The following CAPN8 variants were observed in gnomAD, a reference collection of about 807,000 sequenced individuals.
CAPN8 encodes calpain 8, also known as calpain-8.
CAPN8 carries 87 observed loss-of-function variants against 80.9 expected under a neutral mutation model. The observed-to-expected ratio is 1.07, with a 90% CI of 0.90 to 1.28. CAPN8 has a LOEUF of 1.28. Among genes scored for constraint, CAPN8 ranks in the 50% most tolerant of loss-of-function variants. The pLI is 0.00. For synonymous variants in CAPN8, 299 were observed against 273.8 expected (o/e 1.09, Z -0.91); for missense variants, 757 against 702.0 (o/e 1.08, Z -0.89).
In CAPN8 at chr1:223,620,229, C is replaced by A; in HGVS notation, c.937G>T (p.Glu313Ter). Reference sequence around the variant, plus strand: ...TCCTCAACTTTCTTGTCCAGTTCTTCCTTCCGCCGGGGGTCTATGTGATTC... The same window carrying A: ...TCCTCAACTTTCTTGTCCAGTTCTTACTTCCGCCGGGGGTCTATGTGATTC... The part of the protein sequence containing the change: ...EWNHIDPRRK[E>*]ELDKKVEDGE... The change falls in exon 8 of 21, where the codon GAA (glutamate) becomes TAA (stop). Residue 313 changes from glutamate to a stop codon, truncating the protein, a stop_gained. Transcript: ENST00000366872. LOFTEE classifies it high-confidence loss of function. The A allele has an allele frequency of 6.4e-7, 1 of 1,551,670 alleles. No homozygotes were observed.
intron 2 of CAPN8, among the ~76,000 whole-genome samples, chr1:223,633,615 T>A (rs568287225): frequency 6.6e-6 from 1 of 151,790 alleles, no homozygotes; most frequent in Non-Finnish European, 1.5e-5. Context: ...TGAGCCAAGA[T>A]CACACCACTG....
chr1:223,552,752 C>T (rs1656825825), intron 14 of CAPN8, among the ~76,000 whole-genome samples: 1 of 151,918 alleles, frequency 6.6e-6, no homozygotes, highest in South Asian at 2.1e-4. Context: ...CTTTACAAGC[C>T]GAGCAAGGAG....
chr1:223,641,598 G>A (rs370720854), intron 2 of CAPN8, among the ~76,000 whole-genome samples: 13 of 152,116 alleles, frequency 8.5e-5, no homozygotes, highest in African/African-American at 3.1e-4. Context: ...TTCACACAGT[G>A]CCAGAGCCCT....
At chr1:223,616,371 G>C (rs989322279) in intron 9 of CAPN8, among the ~76,000 whole-genome samples, 1 of 152,196 alleles carries the variant, frequency 6.6e-6, no homozygotes, top group Non-Finnish European at 1.5e-5. Flanking sequence ...ATTTGGAAAT[G>C]TGTGCTTGTC....
chr1:223,621,048 T>G (rs1572236453), intron 7 of CAPN8, among the ~76,000 whole-genome samples: 1 of 151,088 alleles, frequency 6.6e-6, no homozygotes, highest in African/African-American at 2.4e-5. Context: ...TGGGGCACAC[T>G]CCAGCGCAGC....
intron 2 of CAPN8, among the ~76,000 whole-genome samples, chr1:223,647,509 C>T (rs1658222420): frequency 6.6e-6 from 1 of 152,152 alleles, no homozygotes; most frequent in Admixed American, 6.6e-5. Context: ...ATTGCCTACC[C>T]TCCTTTCTTT....
intron 9 of CAPN8, chr1:223,616,930 AT>A (rs1043581640): frequency 6.6e-6 from 1 of 152,246 alleles, no homozygotes; most frequent in Non-Finnish European, 1.5e-5. Context: ...CTTTTTTTAA[AT>A]CTCTCAGAAT....
intron 9 of CAPN8, chr1:223,616,949 A>G (rs1275964816): frequency 6.6e-6 from 1 of 152,264 alleles, no homozygotes; most frequent in African/African-American, 2.4e-5. Flanking sequence ...AATAGTAAGT[A>G]CACAAGCCAA....
At chr1:223,660,681 AACATGTGTACAT>A (rs1658619938) in intron 1 of CAPN8, among the ~76,000 whole-genome samples, 1 of 152,208 alleles carries the variant, frequency 6.6e-6, no homozygotes, top group Non-Finnish European at 1.5e-5. Flanking sequence ...AGAGGACAAA[AACATGTGTACAT>A]ACATGTTCAA....
rs565589894 is a variant in CAPN8 at position 223,641,921 on chromosome 1, C to T, written c.307+12409G>A. Among the ~76,000 whole-genome samples, 12 of 152,340 alleles carry T rather than the reference C, an allele frequency of 7.9e-5. No individual in the cohort carries two copies. The South Asian group carries it at 1.7e-3, about 21-fold the overall frequency. On this transcript the variant is annotated intron_variant, in intron 2 of 20. Coordinates refer to ENST00000366872, the MANE Select transcript of CAPN8 (RefSeq NM_001143962.2). ...ACAAATGAGTATGTCAGATAAGCCA[C>T]GTGTTCCCTCACTCCTGTAAGCATC...
chr1:223,557,917 C>CT (rs1656942540), intron 13 of CAPN8, among the ~76,000 whole-genome samples: 3 of 152,204 alleles, frequency 2.0e-5, no homozygotes, highest in Non-Finnish European at 4.4e-5. Context: ...GCTAAGACCT[C>CT]CCCCAGGGGG....
intron 2 of CAPN8, among the ~76,000 whole-genome samples, chr1:223,638,363 G>A (rs915906076): frequency 6.6e-6 from 1 of 151,396 alleles, no homozygotes; most frequent in East Asian, 1.9e-4. Flanking sequence ...TGTATGGGGT[G>A]TGTGTGTGTG....
chr1:223,552,879 C>T (rs1011497354), intron 14 of CAPN8, among the ~76,000 whole-genome samples: 1 of 152,112 alleles, frequency 6.6e-6, no homozygotes, highest in Non-Finnish European at 1.5e-5. Flanking sequence ...AAATATGGCC[C>T]TTGGCAGCTA....
intron 6 of CAPN8, among the ~76,000 whole-genome samples, chr1:223,624,703 G>A (rs1657510824): frequency 7.0e-6 from 1 of 142,412 alleles, no homozygotes; most frequent in Admixed American, 6.9e-5. Flanking sequence ...AATGGAGCAA[G>A]ACCCTGTCTC....
chr1:223,649,858 A>G (rs543079369), intron 2 of CAPN8, among the ~76,000 whole-genome samples: 1 of 152,316 alleles, frequency 6.6e-6, no homozygotes, highest in South Asian at 2.1e-4. Context: ...AGACAGTCTC[A>G]TGGAGCACAC....
intron 2 of CAPN8, among the ~76,000 whole-genome samples, chr1:223,650,454 C>A (rs1658315040): frequency 6.6e-6 from 1 of 152,196 alleles, no homozygotes; most frequent in South Asian, 2.1e-4. Context: ...GGAGAAGACC[C>A]AAACCATAAC....
chr1:223,543,665 C>A (rs1355124124), intron 19 of CAPN8, among the ~76,000 whole-genome samples: 2 of 152,154 alleles, frequency 1.3e-5, no homozygotes, highest in African/African-American at 4.8e-5. Context: ...AGAGGGCACC[C>A]CCCATCCCTT....
At chr1:223,546,526 T>C (rs1020454764) in intron 16 of CAPN8, among the ~76,000 whole-genome samples, 7 of 152,214 alleles carry the variant, frequency 4.6e-5, no homozygotes, top group African/African-American at 1.7e-4. Flanking sequence ...GAATGCATCA[T>C]AGCCTTCAAA....
rs879034527 is a variant in CAPN8 at position 223,662,096 on chromosome 1, T to C, written c.237+3314A>G. On this transcript the variant is annotated intron_variant, in intron 1 of 20. Coordinates refer to ENST00000366872, the MANE Select transcript of CAPN8 (RefSeq NM_001143962.2). Reference sequence around the variant, plus strand: ...GACAAATACTGTATAATTCCACTTATATGAGGTACCCAACATAATCAAATT... The same window carrying C: ...GACAAATACTGTATAATTCCACTTACATGAGGTACCCAACATAATCAAATT... Among the ~76,000 whole-genome samples the C allele has an allele frequency of 3.9e-5, 6 of 152,168 alleles. 1 individual carries two copies. The highest frequency in any genetic ancestry group is 2.0e-4 in the Admixed American group (3 of 15,276).
Sources: gnomAD v4.1 joint callset for allele counts (sites outside exome capture counted in the v4.1 genomes callset) on GRCh38, gnomAD v4.1.1 for gene constraint, MANE v1.5 for transcripts, NCBI Gene and HGNC (gene_info 2026-07-23, HGNC 2026-07-21) for gene names.